Variants in ABI3BP observed in about 807,000 individuals in gnomAD.
ABI3BP encodes the protein ABI family member 3 binding protein.
ABI3BP carries 216 observed loss-of-function variants against 268.6 expected under a neutral mutation model. The observed-to-expected ratio is 0.80, with a 90% CI of 0.72 to 0.90. The LOEUF is 0.90. ABI3BP is among the 40% of genes least tolerant of loss of function. ABI3BP has a pLI of 0.00. For missense variants in ABI3BP, 2,090 were observed against 2,182.4 expected, an observed-to-expected ratio of 0.96 and a Z score of 0.84; for synonymous variants, 730 against 730.0, an observed-to-expected ratio of 1.00 and a Z score of 0.00.
intron 1 of ABI3BP, among the ~76,000 whole-genome samples, chr3:100,949,962 T>C (rs2074232172): frequency 6.6e-6 from 1 of 152,232 alleles, no homozygotes; most frequent in South Asian, 2.1e-4. Context: ...CCTTTTCTCC[T>C]GTAAAGTAGT....
rs2098821222 is a variant in ABI3BP, at chr3:100,850,122, G to A, written c.1427-3C>T. On this transcript the variant is annotated splice_region_variant and splice_polypyrimidine_tract_variant and intron_variant, in intron 16 of 67. Coordinates refer to ENST00000471714, the MANE Select transcript of ABI3BP (RefSeq NM_001375547.2). ...AACAAATGGTGTTTCACTTGGAGCT[G>A]AAAGCACAAACACCCCAACCCATCA... 2 of 1,604,162 alleles carry A rather than the reference G, an allele frequency of 1.2e-6. No individual in the cohort carries two copies. Among genetic ancestry groups the A allele is most frequent in the African/African-American group, 1.3e-5 (1 of 74,794 alleles).
chr3:100,921,994 G>A (rs1486166351), intron 2 of ABI3BP, among the ~76,000 whole-genome samples: 2 of 152,178 alleles, frequency 1.3e-5, no homozygotes, highest in African/African-American at 4.8e-5. Flanking sequence ...TATTTGCTTC[G>A]CAACTGAGGG....
chr3:100,766,766 A>G (rs2096285910), intron 62 of ABI3BP, among the ~76,000 whole-genome samples: 1 of 152,192 alleles, frequency 6.6e-6, no homozygotes, highest in Non-Finnish European at 1.5e-5. Context: ...GAGATGATAC[A>G]GAGGACTAAA....
At chr3:100,811,083 G>A in intron 48 of ABI3BP, 147 bp downstream of exon 48, 1 of 626,710 alleles carries the variant, frequency 1.6e-6, no homozygotes, top group Non-Finnish European at 2.6e-6. Context: ...AATGGTTATG[G>A]ATAGGAGCAC....
intron 1 of ABI3BP, among the ~76,000 whole-genome samples, chr3:100,957,850 C>G (rs915242905): frequency 6.6e-6 from 1 of 152,154 alleles, no homozygotes; most frequent in Non-Finnish European, 1.5e-5. Context: ...TATCTGTGGA[C>G]TCTGTCATTA....
At chr3:100,903,081 C>T (rs767120524) in intron 2 of ABI3BP, among the ~76,000 whole-genome samples, 4 of 152,172 alleles carry the variant, frequency 2.6e-5, no homozygotes, top group Non-Finnish European at 5.9e-5. Flanking sequence ...TCTACTTGCA[C>T]AAGACACCGT....
At chr3:100,883,294 A>G (rs2040338839) in intron 6 of ABI3BP, among the ~76,000 whole-genome samples, 1 of 152,146 alleles carries the variant, frequency 6.6e-6, no homozygotes, top group African/African-American at 2.4e-5. Context: ...CAATGGAAAA[A>G]TCTAATAATT....
intron 1 of ABI3BP, among the ~76,000 whole-genome samples, chr3:100,962,296 A>G (rs1464649087): frequency 1.3e-5 from 2 of 152,198 alleles, no homozygotes; most frequent in African/African-American, 4.8e-5. Flanking sequence ...CTTGTTCTGC[A>G]TAACAGGAAT....
chr3:100,984,352 T>C (rs932866380), intron 1 of ABI3BP, among the ~76,000 whole-genome samples: 6 of 152,228 alleles, frequency 3.9e-5, no homozygotes, highest in Non-Finnish European at 8.8e-5. Flanking sequence ...TGCTATGTCA[T>C]AGGTGAGATG....
intron 3 of ABI3BP, among the ~76,000 whole-genome samples, chr3:100,901,731 G>C (rs1410963814): frequency 1.3e-5 from 2 of 151,096 alleles, no homozygotes; most frequent in African/African-American, 4.9e-5. Context: ...GCACCACTGC[G>C]CTCCAGTCTG....
chr3:100,941,927 G>GT (rs2069467698), intron 1 of ABI3BP, among the ~76,000 whole-genome samples: 1 of 151,934 alleles, frequency 6.6e-6, no homozygotes. Flanking sequence ...GTGCGCTGGG[G>GT]TTTTTTTGGA....
intron 2 of ABI3BP, chr3:100,911,354 GA>G: frequency 2.3e-5 from 6 of 266,456 alleles, no homozygotes; most frequent in East Asian, 1.0e-4. Flanking sequence ...GCTTGACCAG[GA>G]AAAATGTTCC....
chr3:100,898,480 C>T (rs998204054), intron 4 of ABI3BP, among the ~76,000 whole-genome samples: 9 of 152,166 alleles, frequency 5.9e-5, no homozygotes, highest in African/African-American at 1.2e-4. Context: ...CCTTTGGCCC[C>T]GCCTTCTGAG....
chr3:100,991,424 G>A (rs995768339), intron 1 of ABI3BP, among the ~76,000 whole-genome samples: 6 of 152,144 alleles, frequency 3.9e-5, no homozygotes, highest in Admixed American at 3.9e-4. Flanking sequence ...GAAACAAAAA[G>A]TTGTACAGGT....
intron 6 of ABI3BP, among the ~76,000 whole-genome samples, chr3:100,884,360 T>C (rs1019783170): frequency 1.3e-5 from 2 of 152,128 alleles, no homozygotes; most frequent in African/African-American, 4.8e-5. Flanking sequence ...ATTGAAATAT[T>C]TTCCTAGAAA....
intron 1 of ABI3BP, among the ~76,000 whole-genome samples, chr3:100,935,674 T>C (rs561415323): frequency 6.0e-4 from 91 of 152,310 alleles, no homozygotes; most frequent in Non-Finnish European, 1.0e-3. Flanking sequence ...TTTGTAGTTC[T>C]CCTTCAAGAG....
chr3:100,890,979 G>A (rs1429009153), intron 4 of ABI3BP, among the ~76,000 whole-genome samples: 1 of 123,170 alleles, frequency 8.1e-6, no homozygotes, highest in Non-Finnish European at 1.8e-5. Flanking sequence ...TTTCAAACTG[G>A]TCAACTTTTT....
intron 1 of ABI3BP, among the ~76,000 whole-genome samples, chr3:100,934,103 G>A (rs2153679355): frequency 6.6e-6 from 1 of 152,030 alleles, no homozygotes; most frequent in Middle Eastern, 3.4e-3. Context: ...ATCTACATTA[G>A]GTATTTCTCC....
chr3:100,862,082 T>G (rs909515485), intron 14 of ABI3BP, among the ~76,000 whole-genome samples: 1 of 152,212 alleles, frequency 6.6e-6, no homozygotes, highest in African/African-American at 2.4e-5. Context: ...TGGCCACATT[T>G]CTAAGATGTT....
Sources: allele counts gnomAD v4.1 joint callset (sites outside exome capture counted in the v4.1 genomes callset), GRCh38; gene constraint gnomAD v4.1.1; transcripts MANE v1.5; gene names NCBI Gene and HGNC (gene_info 2026-07-23, HGNC 2026-07-21).